CLTCL1: variants seen among roughly 807,000 people sequenced by gnomAD.
The protein encoded by CLTCL1 is clathrin heavy chain like 1, also known as clathrin heavy chain 2.
In CLTCL1, 159 loss-of-function variants were observed where a neutral mutation model predicts 190.0. That is an observed-to-expected ratio of 0.84 (90% confidence interval 0.74 to 0.95). CLTCL1 has a LOEUF of 0.95. Among genes scored for constraint, CLTCL1 ranks in the 40% least tolerant of loss-of-function variants. The probability of loss-of-function intolerance (pLI) is 0.00; values close to 1 mark genes in which losing one functional copy is unlikely to be tolerated. For synonymous variants in CLTCL1, 752 were observed against 769.6 expected, an observed-to-expected ratio of 0.98 and a Z score of 0.38; for missense variants, 1,878 against 2,033.4, an observed-to-expected ratio of 0.92 and a Z score of 1.47.
rs377182816 is a variant in CLTCL1, at chr22:19,221,514, T to G, written c.2659A>C (p.Asn887His). Residue 887 changes from asparagine (N) to histidine (H), a missense_variant, in exon 17 of 33, where the codon AAC (asparagine) becomes CAC (histidine). Physicochemically the swap from Asn to His is moderately conservative, Grantham distance 68. Coordinates refer to ENST00000427926, the MANE Select transcript of CLTCL1 (RefSeq NM_007098.4). ...NALAKIYIDSNNSPECFLREN... is the reference protein window; with the variant it reads ...NALAKIYIDSHNSPECFLREN... ...CTCAGGAAGCACTCGGGGCTGTTGTTGCTGTCGATGTAGATTTTAGCCAGT... is the reference window on the plus strand; with the variant it reads ...CTCAGGAAGCACTCGGGGCTGTTGTGGCTGTCGATGTAGATTTTAGCCAGT... The G allele has an allele frequency of 5.7e-5, 92 of 1,604,528 alleles. 1 individual carries two copies. The Middle Eastern group carries it at 8.2e-4, about 14-fold the overall frequency.
chr22:19,188,759 G>A (rs530333301), intron 27 of CLTCL1, among the ~76,000 whole-genome samples: 18 of 151,998 alleles, frequency 1.2e-4, no homozygotes, highest in African/African-American at 3.9e-4. Flanking sequence ...GGGACCAGGC[G>A]CTTGCCACCA....
chr22:19,233,422 C>T lies in CLTCL1; in HGVS notation c.1368G>A (p.Lys456=). The part of the protein sequence containing the change: ...QLLEKWLKED[K]LECSEELGDL... Reference sequence around the variant, plus strand: ...GCTACGAGCTCACAAGTGTTTCTACCTTATCTTCTTTCAGCCACTTCTCTA... The same window carrying T: ...GCTACGAGCTCACAAGTGTTTCTACTTTATCTTCTTTCAGCCACTTCTCTA... The change falls in exon 8 of 33, where the codon AAG becomes AAA. Residue 456 remains lysine, a splice_region_variant and synonymous_variant. Transcript: ENST00000427926. 1 of 1,613,498 alleles carries T rather than the reference C, an allele frequency of 6.2e-7. No individual in the cohort carries two copies. Among genetic ancestry groups the T allele is most frequent in the Non-Finnish European group, 8.5e-7 (1 of 1,179,646 alleles).
At chr22:19,282,749 C>A (rs926846555) in intron 1 of CLTCL1, among the ~76,000 whole-genome samples, 11 of 152,022 alleles carry the variant, frequency 7.2e-5, no homozygotes, top group African/African-American at 2.7e-4. Context: ...ACAGGACAAT[C>A]CCACAAAAAT....
intron 24 of CLTCL1, among the ~76,000 whole-genome samples, chr22:19,197,754 A>G (rs1024380434): frequency 1.3e-5 from 2 of 152,014 alleles, no homozygotes; most frequent in Non-Finnish European, 2.9e-5. Flanking sequence ...GTCCCTGCTG[A>G]CCGGCCCCTC....
chr22:19,276,880 G>GCCT lies in CLTCL1; in HGVS notation c.43-1051_43-1050insAGG, dbSNP rs1444447561. Among the ~76,000 whole-genome samples the GCCT allele has an allele frequency of 2.0e-5, 3 of 152,124 alleles. No homozygotes were observed. The East Asian group carries it at 5.8e-4, about 29-fold the overall frequency. ...GTAGAGACGGGGTTTCACCGTGTTAGCCAGGATGGTCTCAATCTCCTGACC... is the reference window on the plus strand; with the variant it reads ...GTAGAGACGGGGTTTCACCGTGTTAGCCTCCAGGATGGTCTCAATCTCCTGACC... On this transcript the variant is annotated intron_variant, in intron 1 of 32. Coordinates refer to ENST00000427926, the MANE Select transcript of CLTCL1 (RefSeq NM_007098.4).
intron 2 of CLTCL1, chr22:19,257,709 C>G: frequency 9.6e-7 from 1 of 1,039,536 alleles, no homozygotes; most frequent in South Asian, 1.2e-5. Flanking sequence ...GTCCAGGGCC[C>G]TGGCCACTGG....
intron 27 of CLTCL1, among the ~76,000 whole-genome samples, chr22:19,189,264 G>A (rs1312285171): frequency 2.6e-5 from 4 of 152,170 alleles, no homozygotes; most frequent in African/African-American, 7.2e-5. Context: ...TTCCCTTTAT[G>A]TAAGACCACT....
At chr22:19,257,120 G>A (rs1005733086) in intron 2 of CLTCL1, among the ~76,000 whole-genome samples, 1 of 152,036 alleles carries the variant, frequency 6.6e-6, no homozygotes, top group Non-Finnish European at 1.5e-5. Context: ...AACCTCAAAG[G>A]ACCTCAAATA....
At chr22:19,281,203 G>A (rs2087700023) in intron 1 of CLTCL1, among the ~76,000 whole-genome samples, 2 of 151,576 alleles carry the variant, frequency 1.3e-5, no homozygotes, top group African/African-American at 4.9e-5. Flanking sequence ...GCTGAGGCAG[G>A]AGAATGGCGT....
At chr22:19,251,425 C>T (rs2086587280) in intron 3 of CLTCL1, among the ~76,000 whole-genome samples, 1 of 152,216 alleles carries the variant, frequency 6.6e-6, no homozygotes, top group South Asian at 2.1e-4. Context: ...ATAGAGACAG[C>T]TTTAATTCTT....
intron 26 of CLTCL1, among the ~76,000 whole-genome samples, chr22:19,192,266 C>T (rs1378350646): frequency 6.6e-6 from 1 of 152,010 alleles, no homozygotes; most frequent in Non-Finnish European, 1.5e-5. Context: ...GGGGTTTCAC[C>T]GTGTTAGCCA....
intron 27 of CLTCL1, among the ~76,000 whole-genome samples, chr22:19,190,283 T>C (rs185559551): frequency 6.6e-6 from 1 of 152,228 alleles, no homozygotes; most frequent in African/African-American, 2.4e-5. Context: ...TCCAATGCTG[T>C]TGTGTCTCAG....
intron 6 of CLTCL1, among the ~76,000 whole-genome samples, chr22:19,234,950 G>A (rs1203046391): frequency 6.6e-6 from 1 of 152,158 alleles, no homozygotes; most frequent in African/African-American, 2.4e-5. Flanking sequence ...TGCGTTCTGC[G>A]CTACAGCAAA....
intron 31 of CLTCL1, among the ~76,000 whole-genome samples, 153 bp from the exon 32 acceptor site, chr22:19,180,391 G>A (rs1465021148): frequency 6.6e-6 from 1 of 152,196 alleles, no homozygotes; most frequent in African/African-American, 2.4e-5. Context: ...CTGCTCGACA[G>A]CCAGGCTGCC....
At chr22:19,287,604 G>A (rs1429422343) in intron 1 of CLTCL1, among the ~76,000 whole-genome samples, 1 of 152,154 alleles carries the variant, frequency 6.6e-6, no homozygotes, top group African/African-American at 2.4e-5. Flanking sequence ...ATGGATCACA[G>A]GAGGGCAAGA....
intron 7 of CLTCL1, 34 bp from the exon 8 acceptor site, chr22:19,233,656 G>A (rs199568862): frequency 1.9e-6 from 3 of 1,587,078 alleles, no homozygotes; most frequent in Non-Finnish European, 2.6e-6. Context: ...TCATTGTGTT[G>A]TAATCACAGG....
chr22:19,191,825 T>C (rs1555932374), intron 26 of CLTCL1, among the ~76,000 whole-genome samples: 1 of 152,212 alleles, frequency 6.6e-6, no homozygotes, highest in African/African-American at 2.4e-5. Context: ...CTTGGAGGCC[T>C]CAGCCTGAGC....
At chr22:19,240,474 G>C (rs560648555) in intron 4 of CLTCL1, among the ~76,000 whole-genome samples, 1 of 152,168 alleles carries the variant, frequency 6.6e-6, no homozygotes, top group South Asian at 2.1e-4. Context: ...GATAAGGAGG[G>C]GAGCAGCACT....
chr22:19,220,366 T>A (rs1486998024), intron 17 of CLTCL1, among the ~76,000 whole-genome samples: 1 of 152,210 alleles, frequency 6.6e-6, no homozygotes, highest in African/African-American at 2.4e-5. Context: ...GGAACTAAAC[T>A]GGTAATTTTT....
Sources: allele counts gnomAD v4.1 joint callset (sites outside exome capture counted in the v4.1 genomes callset), GRCh38; gene constraint gnomAD v4.1.1; transcripts MANE v1.5; gene names NCBI Gene and HGNC (gene_info 2026-07-23, HGNC 2026-07-21).